The following NPM1 variants were observed in gnomAD, a reference collection of about 807,000 sequenced individuals.
The protein encoded by NPM1 is nucleophosmin 1.
A neutral mutation model predicts 44.1 loss-of-function variants in NPM1; 1 was observed. That is an observed-to-expected ratio of 0.02 (90% CI 0.01 to 0.11). NPM1 has a LOEUF of 0.11. Ranked by LOEUF, NPM1 falls within the 10% of genes least tolerant of loss-of-function variation. NPM1 has a pLI of 1.00. For missense variants in NPM1, 197 were observed against 347.8 expected, an observed-to-expected ratio of 0.57 and a Z score of 3.45; for synonymous variants, 126 against 111.8, an observed-to-expected ratio of 1.13 and a Z score of -0.80.
At chr5:171,395,465 A>G (rs765068192) in intron 6 of NPM1, among the ~76,000 whole-genome samples, 52 of 151,974 alleles carry the variant, frequency 3.4e-4, no homozygotes, top group Non-Finnish European at 6.0e-4. Context: ...ACGCCTGGCT[A>G]AGTTTTGTAT....
chr5:171,388,157 C>T (rs1770359154), intron 1 of NPM1, 151 bp downstream of exon 1: 3 of 734,072 alleles, frequency 4.1e-6, no homozygotes, highest in South Asian at 3.4e-5. Flanking sequence ...TGCCTGAGCC[C>T]TGGACCTGGA....
At chr5:171,404,905 G>A (rs1000243124) in intron 8 of NPM1, among the ~76,000 whole-genome samples, 5 of 152,118 alleles carry the variant, frequency 3.3e-5, no homozygotes, top group Non-Finnish European at 5.9e-5. Context: ...AACTGACTTA[G>A]TACTGTGCAT....
At chr5:171,394,879 TA>T (rs1770799392) in intron 6 of NPM1, among the ~76,000 whole-genome samples, 1 of 152,134 alleles carries the variant, frequency 6.6e-6, no homozygotes, top group African/African-American at 2.4e-5. Flanking sequence ...TTTCCTTTTT[TA>T]AAAATTGATA....
At chr5:171,388,107 AC>A (rs1161851216) in intron 1 of NPM1, 101 bp downstream of exon 1, 1 of 1,032,840 alleles carries the variant, frequency 9.7e-7, no homozygotes, top group East Asian at 2.6e-5. Context: ...TCTGGTGGAG[AC>A]CGCCAGACCG....
At chr5:171,387,645 A>C (rs1037219155), upstream of NPM1, 4 of 434,240 alleles carry the variant, frequency 9.2e-6, no homozygotes, top group African/African-American at 6.2e-5. Context: ...GGGCCAGTGT[A>C]CGAGTGCGCG....
At chr5:171,404,046 C>T (rs1456056842) in intron 8 of NPM1, among the ~76,000 whole-genome samples, 1 of 63,050 alleles carries the variant, frequency 1.6e-5, no homozygotes, top group Admixed American at 1.3e-4. Flanking sequence ...GCAGAGGCAA[C>T]CCTCACCTCC....
At chr5:171,390,435 G>T (rs1275972478) in intron 2 of NPM1, among the ~76,000 whole-genome samples, 1 of 152,172 alleles carries the variant, frequency 6.6e-6, no homozygotes, top group African/African-American at 2.4e-5. Flanking sequence ...CTAGCCTTCT[G>T]CTCAACTTAG....
chr5:171,388,063 G>A, intron 1 of NPM1, 57 bp downstream of exon 1: 1 of 1,327,278 alleles, frequency 7.5e-7, no homozygotes, highest in Middle Eastern at 2.3e-4. Context: ...CGGTGAGGGT[G>A]GGGGTGAGGG....
At chr5:171,402,699 T>C (rs1771277454) in intron 8 of NPM1, among the ~76,000 whole-genome samples, 1 of 140,486 alleles carries the variant, frequency 7.1e-6, no homozygotes, top group Admixed American at 7.2e-5. Flanking sequence ...AATTGGATCA[T>C]GGGGTAGATT....
chr5:171,406,313 C>T (rs1322775359), intron 9 of NPM1: 3 of 1,246,578 alleles, frequency 2.4e-6, no homozygotes, highest in African/African-American at 3.0e-5. Context: ...ATTTTTGTCC[C>T]TTGGATACAA....
chr5:171,395,770 G>A (rs1169878219), intron 6 of NPM1, among the ~76,000 whole-genome samples: 1 of 152,158 alleles, frequency 6.6e-6, no homozygotes, highest in African/African-American at 2.4e-5. Context: ...CAGATCAAAG[G>A]GGAATTTGGT....
chr5:171,388,487 C>T (rs1267856310), intron 1 of NPM1, among the ~76,000 whole-genome samples: 1 of 151,082 alleles, frequency 6.6e-6, no homozygotes, highest in African/African-American at 2.4e-5. Context: ...CTGGAGCTGC[C>T]GGACGTAGAC....
intron 6 of NPM1, among the ~76,000 whole-genome samples, chr5:171,399,250 G>T (rs771829627): frequency 2.0e-5 from 3 of 151,822 alleles, no homozygotes; most frequent in Non-Finnish European, 2.9e-5. Flanking sequence ...TCCCTTAAGT[G>T]TCTTTTTTGT....
intron 1 of NPM1, 72 bp downstream of exon 1, chr5:171,388,078 G>GGGGGGGGGGGGT: frequency 3.6e-5 from 22 of 616,730 alleles, no homozygotes; most frequent in East Asian, 7.8e-5. Context: ...TGAGGGGCGG[G>GGGGGGGGGGGGT]AATCCGGCTG....
chr5:171,393,353 G>A (rs1770694677), intron 6 of NPM1, among the ~76,000 whole-genome samples: 1 of 152,116 alleles, frequency 6.6e-6, no homozygotes, highest in South Asian at 2.1e-4. Flanking sequence ...TGATTAAATA[G>A]CTCTATATTC....
intron 3 of NPM1, 69 bp downstream of exon 3, chr5:171,391,493 A>T (rs554854531): frequency 1.7e-5 from 27 of 1,577,364 alleles, no homozygotes; most frequent in Admixed American, 1.0e-4. Context: ...GTTTGGTGTC[A>T]TTTAGTTGTG....
At chr5:171,403,963 T>C (rs1201140383) in intron 8 of NPM1, among the ~76,000 whole-genome samples, 3 of 72,486 alleles carry the variant, frequency 4.1e-5, no homozygotes, top group African/African-American at 1.7e-4. Flanking sequence ...GTGGGGGGGC[T>C]GACCCCCCCA....
At chr5:171,398,777 CAAAA>C (rs1191808038) in intron 6 of NPM1, among the ~76,000 whole-genome samples, 2 of 152,142 alleles carry the variant, frequency 1.3e-5, no homozygotes, top group African/African-American at 2.4e-5. Context: ...CCTCAAAAAA[CAAAA>C]AAATCACTGT....
chr5:171,394,553 C>CA (rs1561867049), intron 6 of NPM1, among the ~76,000 whole-genome samples: 1 of 152,150 alleles, frequency 6.6e-6, no homozygotes, highest in African/African-American at 2.4e-5. Context: ...CCTCCCCTCT[C>CA]AGACTATGAA....
Sources: gnomAD v4.1 joint callset for allele counts (sites outside exome capture counted in the v4.1 genomes callset) on GRCh38, gnomAD v4.1.1 for gene constraint, MANE v1.5 for transcripts, NCBI Gene and HGNC (gene_info 2026-07-23, HGNC 2026-07-21) for gene names.